The following EFR3B variants were observed in gnomAD, a reference collection of about 807,000 sequenced individuals.
EFR3B encodes the protein EFR3 homolog B.
In EFR3B, 64 loss-of-function variants were observed where a neutral mutation model predicts 104.7. That is an observed-to-expected ratio of 0.61 (90% CI 0.50 to 0.75). EFR3B has a LOEUF of 0.75. Among genes scored for constraint, EFR3B ranks in the 30% least tolerant of loss-of-function variants. The pLI is 0.00. For missense variants in EFR3B, 750 were observed against 1,078.5 expected (o/e 0.70, Z 4.27); for synonymous variants, 385 against 417.9 (o/e 0.92, Z 0.96).
intron 1 of EFR3B, among the ~76,000 whole-genome samples, chr2:25,049,051 G>T (rs959260252): frequency 1.3e-5 from 2 of 152,134 alleles, no homozygotes; most frequent in Admixed American, 6.5e-5. Context: ...GATTGGTCAA[G>T]GTATATAAAC....
chr2:25,086,882 C>G (rs1348912942), intron 1 of EFR3B, among the ~76,000 whole-genome samples: 1 of 152,146 alleles, frequency 6.6e-6, no homozygotes, highest in African/African-American at 2.4e-5. Flanking sequence ...CATGAACCAC[C>G]CCGTCTGGCC....
intron 4 of EFR3B, among the ~76,000 whole-genome samples, chr2:25,106,359 G>A (rs1669563182): frequency 1.3e-5 from 2 of 151,912 alleles, no homozygotes; most frequent in Admixed American, 1.3e-4. Context: ...GCATGATCTC[G>A]GCTCACTGCA....
chr2:25,100,036 CTACAAAAAA>C (rs1669388317), intron 3 of EFR3B, among the ~76,000 whole-genome samples: 1 of 151,940 alleles, frequency 6.6e-6, no homozygotes, highest in South Asian at 2.1e-4. Flanking sequence ...AACCCCATCT[CTACAAAAAA>C]TACAAAAAAT....
At chr2:25,081,722 T>C in intron 1 of EFR3B, 1 of 495,018 alleles carries the variant, frequency 2.0e-6, no homozygotes, top group Non-Finnish European at 3.5e-6. Context: ...TGGTACCGCC[T>C]GCAGCCGCAC....
In EFR3B at chr2:25,154,155, C is replaced by T; in HGVS notation, c.2349-80C>T. ...CTGTGCAAAAAGAAACCCAAGTCAC[C>T]TACTCTGTTTGGTTGCACAAGGGTG... On this transcript the variant is annotated intron_variant, in intron 22 of 22. Transcript: ENST00000403714. This position sits in a 1 kb window ranked among gnomAD's most constrained non-coding sequence, Gnocchi z 4.1. 2.3e-6 allele frequency: 3 copies of T among 1,319,036 alleles called. No homozygotes were observed. In the South Asian group the frequency reaches 3.9e-5, roughly 17 times the overall value. The allele number at this position is 1,319,036 out of a possible 1,614,324, so 81.7% of individuals were successfully genotyped here.
chr2:25,151,074 A>C (rs980923332), intron 20 of EFR3B, among the ~76,000 whole-genome samples: 8 of 150,414 alleles, frequency 5.3e-5, no homozygotes, highest in Admixed American at 5.3e-4. Context: ...AAAAAAAAAA[A>C]CTCAACAGTA....
chr2:25,050,316 CAGA>C (rs1663089793), intron 1 of EFR3B, among the ~76,000 whole-genome samples: 1 of 151,978 alleles, frequency 6.6e-6, no homozygotes, highest in Admixed American at 6.6e-5. Context: ...TGAAGAGAAG[CAGA>C]GGAGGAGACA....
chr2:25,067,503 C>T (rs917469702), intron 1 of EFR3B, among the ~76,000 whole-genome samples: 9 of 150,706 alleles, frequency 6.0e-5, no homozygotes, highest in Non-Finnish European at 8.8e-5. Context: ...GGCATGATCT[C>T]GGCTCACTGC....
chr2:25,085,073 T>G (rs565472295), intron 1 of EFR3B, among the ~76,000 whole-genome samples: 1 of 152,244 alleles, frequency 6.6e-6, no homozygotes, highest in African/African-American at 2.4e-5. Flanking sequence ...ACTGTCTTTT[T>G]CACTGCTATG....
rs2149208338 is a variant in EFR3B at position 25,137,408 on chromosome 2, A to G, written c.1628A>G (p.Tyr543Cys). Residue 543 changes from tyrosine (Y) to cysteine (C), a missense_variant, in exon 15 of 23, where the codon TAC (tyrosine) becomes TGC (cysteine). Tyr to Cys is a radical substitution (Grantham distance 194). Coordinates refer to ENST00000403714, the MANE Select transcript of EFR3B (RefSeq NM_014971.2). This position sits in a 1 kb window ranked among gnomAD's most constrained non-coding sequence, Gnocchi z 4.7. ...GAGGAAACAAACGTGCAGAAACACT[A>G]CGAGGCGCTCTATGGCTTGCTGGCC... is the stretch of plus-strand genomic sequence containing the variant. ...CKEETNVQKH[Y>C]EALYGLLALI... 6.4e-7 allele frequency: 1 copy of G among 1,551,904 alleles called. No homozygotes were observed. Among genetic ancestry groups the G allele is most frequent in the Non-Finnish European group, 8.7e-7 (1 of 1,147,056 alleles).
At chr2:25,056,094 G>A (rs1419666592) in intron 1 of EFR3B, among the ~76,000 whole-genome samples, 1 of 152,140 alleles carries the variant, frequency 6.6e-6, no homozygotes, top group African/African-American at 2.4e-5. Flanking sequence ...AATGAGCATG[G>A]GCTAGGAATT....
intron 3 of EFR3B, among the ~76,000 whole-genome samples, chr2:25,103,274 T>C (rs1377502819): frequency 6.6e-6 from 1 of 152,214 alleles, no homozygotes; most frequent in East Asian, 1.9e-4. Flanking sequence ...TTGACTTGGA[T>C]TGGATAATTC....
rs374610415 is a variant in EFR3B at position 25,125,759 on chromosome 2, T to C, written c.486-2424T>C. Among the ~76,000 whole-genome samples, 87 of 152,220 alleles carry C rather than the reference T, an allele frequency of 5.7e-4. 1 individual carries two copies. In the East Asian group the frequency reaches 9.3e-3, roughly 16 times the overall value. ...GTCAGCAGATCGAGACCATCCTGGCTAACACGGTGAAACCCTGTCTCTACT... is the reference window on the plus strand; with the variant it reads ...GTCAGCAGATCGAGACCATCCTGGCCAACACGGTGAAACCCTGTCTCTACT... On this transcript the variant is annotated intron_variant, in intron 5 of 22. Coordinates refer to ENST00000403714, the MANE Select transcript of EFR3B (RefSeq NM_014971.2).
At chr2:25,117,516 G>A (rs563010789) in intron 4 of EFR3B, among the ~76,000 whole-genome samples, 141 of 151,470 alleles carry the variant, frequency 9.3e-4, no homozygotes, top group African/African-American at 3.1e-3. Flanking sequence ...AGGTTCAAGC[G>A]ATTCTCTTGC....
At chr2:25,135,774 A>G in intron 13 of EFR3B, 135 bp downstream of exon 13, 1 of 1,069,496 alleles carries the variant, frequency 9.4e-7, no homozygotes. Flanking sequence ...AGTATCCCAC[A>G]ATTCAGATAC....
At chr2:25,063,298 A>G (rs1467344092) in intron 1 of EFR3B, among the ~76,000 whole-genome samples, 1 of 152,128 alleles carries the variant, frequency 6.6e-6, no homozygotes, top group Non-Finnish European at 1.5e-5. Flanking sequence ...GCCCACAGTA[A>G]TGTCATTCTC....
At position 25,130,521 on chromosome 2, in the gene EFR3B, T is replaced by C. The variant is rs1670299494; in HGVS notation, c.771-31T>C. The stretch of plus-strand genomic sequence containing the variant: ...CTCCCTAACACTGCCGGGAGTTTCA[T>C]AGTTGTTCCCCCACGTTTTCTCCCT... On this transcript the variant is annotated intron_variant, in intron 7 of 22. Transcript: ENST00000403714. This position sits in a 1 kb window ranked among gnomAD's most constrained non-coding sequence, Gnocchi z 4.6. The C allele has an allele frequency of 6.5e-7, 1 of 1,528,576 alleles. No homozygotes were observed. Among genetic ancestry groups the C allele is most frequent in the Non-Finnish European group, 8.9e-7 (1 of 1,126,166 alleles). 94.7% of individuals were successfully genotyped at this position (1,528,576 alleles called of 1,614,324 possible).
chr2:25,058,770 C>CA (rs1049793382), intron 1 of EFR3B, among the ~76,000 whole-genome samples: 1 of 137,894 alleles, frequency 7.3e-6, no homozygotes, highest in African/African-American at 2.8e-5. Context: ...CCGCGCCCCC[C>CA]CCCCCAAAAA....
chr2:25,115,241 C>T (rs1669826781), intron 4 of EFR3B, among the ~76,000 whole-genome samples: 1 of 152,076 alleles, frequency 6.6e-6, no homozygotes, highest in South Asian at 2.1e-4. Flanking sequence ...AGAGTTTGTT[C>T]AGTAGGATGG....
Sources: gnomAD v4.1 joint callset for allele counts (sites outside exome capture counted in the v4.1 genomes callset) on GRCh38, gnomAD v4.1.1 for gene constraint, Gnocchi (gnomAD v3.1) non-coding constraint, MANE v1.5 for transcripts, NCBI Gene and HGNC (gene_info 2026-07-23, HGNC 2026-07-21) for gene names.